The following EPHB1 variants were observed in gnomAD, a reference collection of about 807,000 sequenced individuals.
EPHB1 encodes EPH receptor B1, also known as ephrin type-B receptor 1.
In EPHB1, 30 loss-of-function variants were observed where a neutral mutation model predicts 94.4. That is an observed-to-expected ratio of 0.32 (90% CI 0.24 to 0.43). The LOEUF is 0.43. Ranked by LOEUF, EPHB1 falls within the 20% of genes least tolerant of loss-of-function variation. EPHB1 has a pLI of 1.00. For synonymous variants in EPHB1, 522 were observed against 489.1 expected (o/e 1.07, Z -0.89); for missense variants, 1,055 against 1,308.3 (o/e 0.81, Z 2.99).
intron 1 of EPHB1, among the ~76,000 whole-genome samples, chr3:134,886,765 G>GTT (rs564173077): frequency 2.2e-4 from 33 of 149,520 alleles, no homozygotes; most frequent in Non-Finnish European, 3.3e-4. Flanking sequence ...TAATTATCCT[G>GTT]TTTTTTTTTT....
At chr3:134,927,107 C>G (rs78460893) in intron 2 of EPHB1, among the ~76,000 whole-genome samples, 14,372 of 152,188 alleles carry the variant, frequency 0.094, 1,026 homozygotes, top group East Asian at 0.35. Flanking sequence ...TGGGCCTCCT[C>G]CTCTGTCCCA....
intron 5 of EPHB1, among the ~76,000 whole-genome samples, chr3:135,142,566 A>C (rs1483299222): frequency 6.6e-6 from 1 of 152,242 alleles, no homozygotes; most frequent in Admixed American, 6.5e-5. Flanking sequence ...GGGTGGAAGT[A>C]AAGGCCAAGA....
chr3:135,110,915 G>A (rs1939418087), intron 4 of EPHB1, among the ~76,000 whole-genome samples: 1 of 152,176 alleles, frequency 6.6e-6, no homozygotes, highest in Non-Finnish European at 1.5e-5. Flanking sequence ...ATGTCCCTTG[G>A]ACAGACTGCC....
At chr3:135,190,671 G>A (rs1005183598) in intron 10 of EPHB1, among the ~76,000 whole-genome samples, 1 of 152,172 alleles carries the variant, frequency 6.6e-6, no homozygotes, top group Non-Finnish European at 1.5e-5. Flanking sequence ...GTCTATAGAA[G>A]ATGATGCTGC....
chr3:135,057,715 G>A (rs1036332710), intron 3 of EPHB1, among the ~76,000 whole-genome samples: 2 of 152,070 alleles, frequency 1.3e-5, no homozygotes, highest in South Asian at 2.1e-4. Context: ...ATATGTCATA[G>A]GTATGTGTAT....
chr3:135,045,848 C>T (rs1194506876), intron 3 of EPHB1, among the ~76,000 whole-genome samples: 1 of 152,180 alleles, frequency 6.6e-6, no homozygotes, highest in African/African-American at 2.4e-5. Context: ...TAATGCAAAA[C>T]TTTCATTGAC....
Position 135,197,102 on chromosome 3 carries a change from GA to G in EPHB1, c.2130+4293del, listed in dbSNP as rs55900203. ...GCGAGACCCCGTTCTCCAGAAAAAG[GA>G]AAAAAAAAAAAAAGACAAAAAAAAT... On this transcript the variant is annotated intron_variant, in intron 11 of 15. Transcript: ENST00000398015. Among the ~76,000 whole-genome samples, 330 of 120,480 alleles carry G rather than the reference GA, an allele frequency of 2.7e-3. 3 individuals carry two copies. The highest frequency in any genetic ancestry group is 0.012 in the Middle Eastern group (3 of 248). The allele number at this position is 120,480 out of a possible 152,430, so 79.0% of individuals were successfully genotyped here. A position where few individuals can be genotyped will look rare whatever the true frequency, so the allele number is the denominator to read the frequency against.
chr3:135,246,652 G>T (rs1160988844), intron 13 of EPHB1, among the ~76,000 whole-genome samples: 1 of 152,166 alleles, frequency 6.6e-6, no homozygotes, highest in African/African-American at 2.4e-5. Flanking sequence ...ATGGGGAAAT[G>T]GGGTTAAAAT....
intron 3 of EPHB1, among the ~76,000 whole-genome samples, chr3:135,057,482 G>C (rs1372644628): frequency 6.6e-6 from 1 of 152,106 alleles, no homozygotes; most frequent in Non-Finnish European, 1.5e-5. Context: ...GGTCTCTGCT[G>C]GGTTCTTCCC....
chr3:134,908,740 AAG>A lies in EPHB1; in HGVS notation c.59-17071_59-17070del, dbSNP rs141475033. ...GAGAAGGCGTGAGGAGGGAGAAGGA[AAG>A]AGAGGTGAGGAGGGGGAGGAGGAGG... On this transcript the variant is annotated intron_variant, in intron 1 of 15. Transcript: ENST00000398015. Among the ~76,000 whole-genome samples the A allele has an allele frequency of 6.2e-3, 946 of 152,164 alleles. 8 individuals are homozygous for A. The highest frequency in any genetic ancestry group is 0.022 in the African/African-American group (899 of 41,522).
intron 3 of EPHB1, among the ~76,000 whole-genome samples, chr3:134,991,025 TTCTG>T (rs1934777230): frequency 6.6e-6 from 1 of 152,214 alleles, no homozygotes; most frequent in Non-Finnish European, 1.5e-5. Flanking sequence ...GGAGCTCTTT[TTCTG>T]TCTTTTTCAT....
chr3:135,110,370 G>A (rs994913244), intron 4 of EPHB1, among the ~76,000 whole-genome samples: 1 of 152,158 alleles, frequency 6.6e-6, no homozygotes, highest in African/African-American at 2.4e-5. Context: ...CCTTAGATGA[G>A]GGACACAGTG....
chr3:135,146,642 T>C (rs1941020136), intron 5 of EPHB1, among the ~76,000 whole-genome samples: 1 of 152,274 alleles, frequency 6.6e-6, no homozygotes, highest in South Asian at 2.1e-4. Flanking sequence ...GGAGCGTTTA[T>C]CACTCCAGCC....
intron 10 of EPHB1, among the ~76,000 whole-genome samples, chr3:135,186,558 C>T (rs1942334647): frequency 1.3e-5 from 2 of 151,952 alleles, no homozygotes; most frequent in Admixed American, 1.3e-4. Flanking sequence ...TTTTTTTCCC[C>T]CCAAGGCAGT....
intron 1 of EPHB1, among the ~76,000 whole-genome samples, chr3:134,865,850 T>A (rs999113747): frequency 6.6e-6 from 1 of 152,248 alleles, no homozygotes; most frequent in African/African-American, 2.4e-5. Context: ...AATTGCCATT[T>A]TTAAAGGTTA....
At chr3:134,997,353 T>C (rs1335955932) in intron 3 of EPHB1, among the ~76,000 whole-genome samples, 1 of 152,232 alleles carries the variant, frequency 6.6e-6, no homozygotes, top group Non-Finnish European at 1.5e-5. Context: ...CTTCTGGTGA[T>C]TTTTCCTGGT....
intron 12 of EPHB1, among the ~76,000 whole-genome samples, chr3:135,205,969 A>G (rs1942891271): frequency 6.6e-6 from 1 of 152,208 alleles, no homozygotes; most frequent in African/African-American, 2.4e-5. Context: ...CCAAACTTTC[A>G]TCAAGATACA....
intron 15 of EPHB1, among the ~76,000 whole-genome samples, chr3:135,250,699 C>T (rs79124157): frequency 6.6e-6 from 1 of 152,196 alleles, no homozygotes; most frequent in African/African-American, 2.4e-5. Flanking sequence ...TAACTCTACC[C>T]TTCAAACACA....
At chr3:134,963,499 T>C (rs1933610553) in intron 3 of EPHB1, among the ~76,000 whole-genome samples, 1 of 152,170 alleles carries the variant, frequency 6.6e-6, no homozygotes, top group Non-Finnish European at 1.5e-5. Context: ...TGTGTCGAAA[T>C]GCTAATACAG....
Sources: gnomAD v4.1 joint callset for allele counts (sites outside exome capture counted in the v4.1 genomes callset) on GRCh38, gnomAD v4.1.1 for gene constraint, MANE v1.5 for transcripts, NCBI Gene and HGNC (gene_info 2026-07-23, HGNC 2026-07-21) for gene names.